Variants in RNLS observed in about 807,000 individuals in gnomAD.
RNLS encodes renalase.
Under a neutral mutation model 39.8 loss-of-function variants are expected in RNLS, and 39 were observed. The ratio of observed to expected loss-of-function variants is 0.98; its 90% CI spans 0.76 to 1.28. The LOEUF is 1.28. RNLS is among the 50% of genes most tolerant of loss of function. The probability of loss-of-function intolerance (pLI) is 0.00; values close to 1 mark genes in which losing one functional copy is unlikely to be tolerated. For missense variants in RNLS, 410 were observed against 413.3 expected, an observed-to-expected ratio of 0.99 and a Z score of 0.07; for synonymous variants, 147 against 150.7, an observed-to-expected ratio of 0.98 and a Z score of 0.18.
At chr10:88,317,300 T>A (rs1183255298) in intron 5 of RNLS, among the ~76,000 whole-genome samples, 2 of 152,190 alleles carry the variant, frequency 1.3e-5, no homozygotes, top group Non-Finnish European at 2.9e-5. Flanking sequence ...GGAGCAACAC[T>A]ACTGACCTTA....
intron 1 of RNLS, 25 bp downstream of exon 1, chr10:88,583,048 A>G: frequency 6.2e-7 from 1 of 1,603,208 alleles, no homozygotes; most frequent in Non-Finnish European, 8.5e-7. Flanking sequence ...CTCTTTTCCC[A>G]GGTTTTGGCG....
chr10:88,434,893 T>TA (rs1855373257), intron 4 of RNLS, among the ~76,000 whole-genome samples: 1 of 151,956 alleles, frequency 6.6e-6, no homozygotes, highest in Non-Finnish European at 1.5e-5. Flanking sequence ...GAAAAGGTAT[T>TA]AAAAAATATT....
chr10:88,435,593 T>C (rs1353819711), intron 4 of RNLS, among the ~76,000 whole-genome samples: 1 of 151,910 alleles, frequency 6.6e-6, no homozygotes, highest in Admixed American at 6.6e-5. Flanking sequence ...CTTAAGAAAA[T>C]GAAACATTAA....
At chr10:88,235,392 A>G in the RNLS span, among the ~76,000 whole-genome samples, 5 of 152,224 alleles carry the variant, frequency 3.3e-5, no homozygotes, top group Admixed American at 6.5e-5. Flanking sequence ...TTTTATTACA[A>G]AGTTTTTCCT....
chr10:88,454,231 TAAC>T (rs1438209868), intron 4 of RNLS, among the ~76,000 whole-genome samples: 5 of 152,176 alleles, frequency 3.3e-5, no homozygotes, highest in African/African-American at 1.2e-4. Flanking sequence ...CAGAGTCAAA[TAAC>T]AAATTGAGTA....
At position 88,573,941 on chromosome 10, in the gene RNLS, G is replaced by A. The variant is rs552707241; in HGVS notation, c.368-880C>T. Among the ~76,000 whole-genome samples, 4 of 152,248 alleles carry A rather than the reference G, an allele frequency of 2.6e-5. No homozygotes were observed. The South Asian group carries it at 8.3e-4, about 32-fold the overall frequency. On this transcript the variant is annotated intron_variant, in intron 3 of 6. Transcript: ENST00000331772. Reference sequence around the variant, plus strand: ...GGATCACTTGAGGTCAGGAGTTTGAGACCAGCCTGGCCAACATGGTGAAAC... The same window carrying A: ...GGATCACTTGAGGTCAGGAGTTTGAAACCAGCCTGGCCAACATGGTGAAAC...
intron 4 of RNLS, among the ~76,000 whole-genome samples, chr10:88,375,324 G>T (rs987687318): frequency 3.7e-4 from 56 of 152,100 alleles, no homozygotes; most frequent in African/African-American, 1.3e-3. Flanking sequence ...TGTCATAAAG[G>T]ACTATGAACT....
At chr10:88,462,856 T>C (rs1014503082) in intron 4 of RNLS, among the ~76,000 whole-genome samples, 5 of 151,992 alleles carry the variant, frequency 3.3e-5, no homozygotes, top group Non-Finnish European at 7.4e-5. Flanking sequence ...GGAAAGCCTA[T>C]AAAAATCAAA....
chr10:88,532,471 AG>A (rs1847488061), intron 4 of RNLS, among the ~76,000 whole-genome samples: 1 of 152,058 alleles, frequency 6.6e-6, no homozygotes, highest in Non-Finnish European at 1.5e-5. Flanking sequence ...TGTAATGAAA[AG>A]CAAAGATTGG....
chr10:88,205,089 C>T, the RNLS span, among the ~76,000 whole-genome samples: 1 of 152,134 alleles, frequency 6.6e-6, no homozygotes, highest in African/African-American at 2.4e-5. Context: ...TCAGTAGCTG[C>T]ATTTGTATAT....
intron 4 of RNLS, among the ~76,000 whole-genome samples, chr10:88,507,294 TA>T (rs1333269813): frequency 3.3e-5 from 5 of 152,130 alleles, no homozygotes; most frequent in African/African-American, 1.2e-4. Context: ...ATGAATATAA[TA>T]ATTTTCTTTG....
chr10:88,329,992 G>T (rs903991761), intron 5 of RNLS, among the ~76,000 whole-genome samples: 22 of 149,346 alleles, frequency 1.5e-4, no homozygotes, highest in Admixed American at 6.0e-4. Context: ...GCTTTATAAG[G>T]TTGGCTCTGG....
the RNLS span, among the ~76,000 whole-genome samples, chr10:88,190,788 A>G: frequency 5.9e-5 from 9 of 152,144 alleles, no homozygotes; most frequent in Non-Finnish European, 1.2e-4. Flanking sequence ...ATCATAGTTC[A>G]TGGTCTGAAA....
At chr10:88,523,996 G>A (rs768082720) in intron 4 of RNLS, among the ~76,000 whole-genome samples, 21 of 152,214 alleles carry the variant, frequency 1.4e-4, no homozygotes, top group Middle Eastern at 6.8e-3. Context: ...TTCCTGGAAT[G>A]TACTGTTGAC....
the RNLS span, among the ~76,000 whole-genome samples, chr10:88,216,678 C>A: frequency 6.6e-6 from 1 of 152,070 alleles, no homozygotes; most frequent in African/African-American, 2.4e-5. Context: ...AGTGGCTCAA[C>A]CCCTCAAGAA....
intron 4 of RNLS, among the ~76,000 whole-genome samples, chr10:88,539,603 T>TA: frequency 6.6e-6 from 1 of 152,242 alleles, no homozygotes; most frequent in East Asian, 1.9e-4. Flanking sequence ...TATTTATCCA[T>TA]AGCATCTCAT....
the RNLS span, among the ~76,000 whole-genome samples, chr10:88,253,771 A>G: frequency 2.0e-5 from 3 of 152,176 alleles, no homozygotes; most frequent in Non-Finnish European, 2.9e-5. Context: ...TTGGCCCCAG[A>G]GCCCTTGGCA....
At chr10:88,300,240 A>G (rs940284309) in intron 6 of RNLS, among the ~76,000 whole-genome samples, 3 of 152,244 alleles carry the variant, frequency 2.0e-5, no homozygotes, top group African/African-American at 4.8e-5. Flanking sequence ...GTGAGTTAAC[A>G]TAAAGAGCCC....
At chr10:88,551,095 A>C (rs1215062755) in intron 4 of RNLS, among the ~76,000 whole-genome samples, 1 of 152,216 alleles carries the variant, frequency 6.6e-6, no homozygotes, top group African/African-American at 2.4e-5. Flanking sequence ...CAAGTGAACC[A>C]CATGGATCAG....
Sources: allele counts gnomAD v4.1 joint callset (sites outside exome capture counted in the v4.1 genomes callset), GRCh38; gene constraint gnomAD v4.1.1; transcripts MANE v1.5; gene names NCBI Gene and HGNC (gene_info 2026-07-23, HGNC 2026-07-21).